The following LDB3 variants were observed in gnomAD, a reference collection of about 807,000 sequenced individuals.
LDB3 encodes the protein LIM domain-binding protein 3.
A neutral mutation model predicts 69.0 loss-of-function variants in LDB3; 49 were observed. The ratio of observed to expected loss-of-function variants is 0.71; its 90% CI spans 0.56 to 0.90. The LOEUF is 0.90. Ranked by LOEUF, LDB3 falls within the 40% of genes least tolerant of loss-of-function variation. LDB3 has a pLI of 0.00. For synonymous variants in LDB3, 387 were observed against 396.2 expected, an observed-to-expected ratio of 0.98 and a Z score of 0.28; for missense variants, 928 against 974.1, an observed-to-expected ratio of 0.95 and a Z score of 0.63.
intron 5 of LDB3, among the ~76,000 whole-genome samples, chr10:86,689,628 G>A (rs1365991775): frequency 6.6e-6 from 1 of 152,150 alleles, no homozygotes; most frequent in Non-Finnish European, 1.5e-5. Context: ...CCAGACATTA[G>A]AATGCACACT....
intron 7 of LDB3, among the ~76,000 whole-genome samples, chr10:86,697,059 T>A (rs1846029221): frequency 6.6e-6 from 1 of 152,094 alleles, no homozygotes; most frequent in Admixed American, 6.6e-5. Context: ...GACTGCCAGG[T>A]AAAGCAGGTG....
intron 9 of LDB3, among the ~76,000 whole-genome samples, chr10:86,714,237 G>T (rs1846778816): frequency 6.6e-6 from 1 of 152,200 alleles, no homozygotes; most frequent in Non-Finnish European, 1.5e-5. Flanking sequence ...AGGTAGTAGA[G>T]CTGGATCCTG....
intron 5 of LDB3, among the ~76,000 whole-genome samples, chr10:86,682,388 A>G (rs1487512664): frequency 2.6e-5 from 4 of 152,012 alleles, no homozygotes; most frequent in Non-Finnish European, 5.9e-5. Flanking sequence ...TGGGGTGGCG[A>G]GGAAGCAGGA....
chr10:86,718,627 G>A, intron 11 of LDB3, 100 bp from the exon 12 acceptor site: 3 of 1,524,990 alleles, frequency 2.0e-6, no homozygotes, highest in East Asian at 2.3e-5. Context: ...CTCCTGCCCT[G>A]TTCCCTGGTA....
chr10:86,697,433 C>G lies in LDB3; in HGVS notation c.896+4862C>G, dbSNP rs936772015. On this transcript the variant is annotated intron_variant, in intron 7 of 13. Coordinates refer to ENST00000361373, the MANE Select transcript of LDB3 (RefSeq NM_007078.3). The stretch of plus-strand genomic sequence containing the variant: ...ATGGGGTTTCACCATATTGGCCAGG[C>G]TGGTCTTGAACTCCTGACCTCAAGT... Among the ~76,000 whole-genome samples the G allele has an allele frequency of 2.6e-5, 4 of 151,682 alleles. No homozygotes were observed. In the East Asian group the frequency reaches 7.7e-4, roughly 29 times the overall value.
intron 13 of LDB3, among the ~76,000 whole-genome samples, chr10:86,728,127 C>T (rs910631597): frequency 1.3e-5 from 2 of 152,130 alleles, no homozygotes; most frequent in Non-Finnish European, 2.9e-5. Flanking sequence ...GCACAGGGGT[C>T]TCTGAACCTT....
chr10:86,698,194 G>C (rs967734305), intron 7 of LDB3, among the ~76,000 whole-genome samples: 5 of 152,208 alleles, frequency 3.3e-5, no homozygotes, highest in African/African-American at 1.2e-4. Flanking sequence ...ATACAGCATG[G>C]TACCATTTAA....
chr10:86,693,317 T>C (rs1279231069), intron 7 of LDB3, among the ~76,000 whole-genome samples: 1 of 152,206 alleles, frequency 6.6e-6, no homozygotes, highest in Non-Finnish European at 1.5e-5. Context: ...TGATTGTATG[T>C]ACACTTCCGG....
At chr10:86,687,007 C>A (rs1845513933) in intron 5 of LDB3, 2 of 1,529,818 alleles carry the variant, frequency 1.3e-6, no homozygotes, top group East Asian at 4.5e-5. Context: ...ACCCATGTAA[C>A]CGCCACCTGT....
At chr10:86,683,797 G>C (rs889922492) in intron 5 of LDB3, among the ~76,000 whole-genome samples, 2 of 152,352 alleles carry the variant, frequency 1.3e-5, no homozygotes, top group East Asian at 3.9e-4. Flanking sequence ...GTCAGCAACA[G>C]GGTCAGCAAG....
intron 7 of LDB3, among the ~76,000 whole-genome samples, chr10:86,694,784 A>G (rs1173687470): frequency 6.6e-6 from 1 of 152,096 alleles, no homozygotes; most frequent in Non-Finnish European, 1.5e-5. Flanking sequence ...GCTCACCTAC[A>G]TCACTATCTG....
At position 86,718,871 on chromosome 10, in the gene LDB3, G is replaced by T. The variant is rs45472494; in HGVS notation, c.1978+24G>T. Reference sequence around the variant, plus strand: ...AGGTAGGAACACTTCGATGGCATGTGGGGAGGCCCCACAGCCTGGGAGAAA... The same window carrying T: ...AGGTAGGAACACTTCGATGGCATGTTGGGAGGCCCCACAGCCTGGGAGAAA... On this transcript the variant is annotated intron_variant, in intron 12 of 13. Transcript: ENST00000361373. 6.8e-6 allele frequency: 11 copies of T among 1,613,524 alleles called. No individual in the cohort carries two copies. In the Admixed American group the frequency reaches 1.0e-4, roughly 15 times the overall value.
chr10:86,672,630 C>CATCT (rs71016148), intron 2 of LDB3, among the ~76,000 whole-genome samples: 43,052 of 151,936 alleles, frequency 0.28, 7,062 homozygotes, highest in East Asian at 0.46. Flanking sequence ...CTCCCTGCAA[C>CATCT]ATCTATCAAC....
chr10:86,682,835 G>T (rs1031271184), intron 5 of LDB3, among the ~76,000 whole-genome samples: 1 of 152,204 alleles, frequency 6.6e-6, no homozygotes, highest in Admixed American at 6.5e-5. Context: ...AGTCACAGTA[G>T]GAATCCGGTC....
intron 12 of LDB3, among the ~76,000 whole-genome samples, chr10:86,719,653 T>C (rs1027434389): frequency 2.0e-5 from 3 of 152,194 alleles, no homozygotes; most frequent in African/African-American, 7.2e-5. Flanking sequence ...AGAAGGCGTG[T>C]AGAGCATCAA....
intron 13 of LDB3, among the ~76,000 whole-genome samples, chr10:86,727,437 C>T (rs777532454): frequency 6.6e-6 from 1 of 152,140 alleles, no homozygotes; most frequent in South Asian, 2.1e-4. Context: ...TTTTTATAGA[C>T]TTCTGACATA....
chr10:86,692,771 T>A (rs1402292445), intron 7 of LDB3, among the ~76,000 whole-genome samples, 200 bp downstream of exon 7: 1 of 152,146 alleles, frequency 6.6e-6, no homozygotes, highest in Non-Finnish European at 1.5e-5. Flanking sequence ...CGAGTCTCTG[T>A]CCTCCAGGCC....
In LDB3 at chr10:86,709,979, G is replaced by T. The variant is rs753535906; in HGVS notation, c.1160G>T (p.Gly387Val). The T allele has an allele frequency of 2.5e-6, 4 of 1,612,840 alleles. No individual in the cohort carries two copies. The African/African-American group carries it at 5.3e-5, about 22-fold the overall frequency. Residue 387 changes from glycine to valine, a missense_variant, in exon 9 of 14, where the codon GGC (glycine) becomes GTC (valine). By Grantham distance (109) the Gly-to-Val change is moderately radical (BLOSUM62 -3). Coordinates refer to ENST00000361373, the MANE Select transcript of LDB3 (RefSeq NM_007078.3). ...GCCACCCACACCAGCTACAGTGAGG[G>T]CCCCGCCGCCCCTGCACCCAAGCCC... ...APATHTSYSE[G>V]PAAPAPKPRV... is the part of the protein sequence containing the mutation.
chr10:86,678,445 T>C (rs1844927703), intron 2 of LDB3, among the ~76,000 whole-genome samples: 3 of 150,960 alleles, frequency 2.0e-5, no homozygotes, highest in African/African-American at 7.3e-5. Flanking sequence ...GTTCAAGCAA[T>C]TCTCCTGCCT....
Sources: gnomAD v4.1 joint callset for allele counts (sites outside exome capture counted in the v4.1 genomes callset) on GRCh38, gnomAD v4.1.1 for gene constraint, MANE v1.5 for transcripts, NCBI Gene and HGNC (gene_info 2026-07-23, HGNC 2026-07-21) for gene names.